Variants in HSD17B12 observed in about 807,000 individuals in gnomAD.
HSD17B12 encodes very-long-chain 3-oxoacyl-CoA reductase.
Under a neutral mutation model 39.3 loss-of-function variants are expected in HSD17B12, and 32 were observed. The observed-to-expected ratio is 0.81, with a 90% confidence interval of 0.61 to 1.09. The LOEUF (loss-of-function observed/expected upper bound fraction) is 1.09. Among genes scored for constraint, HSD17B12 ranks in the 50% least tolerant of loss-of-function variants. The pLI is 0.00. For missense variants in HSD17B12, 342 were observed against 382.9 expected (o/e 0.89, Z 0.89); for synonymous variants, 150 against 146.7 (o/e 1.02, Z -0.16).
the HSD17B12 span, among the ~76,000 whole-genome samples, chr11:43,605,072 G>A: frequency 6.6e-6 from 1 of 152,154 alleles, no homozygotes; most frequent in Non-Finnish European, 1.5e-5. Context: ...GCTTTCTGTG[G>A]TCAGAATGGG....
chr11:43,799,147 G>C (rs1950942320), intron 4 of HSD17B12, among the ~76,000 whole-genome samples: 1 of 151,834 alleles, frequency 6.6e-6, no homozygotes, highest in Non-Finnish European at 1.5e-5. Context: ...AGACTTTAGA[G>C]ATTTTTCCTA....
rs566631822 is a variant in HSD17B12 at position 43,737,816 on chromosome 11, G to A, written c.161-13095G>A. On this transcript the variant is annotated intron_variant, in intron 1 of 10. Coordinates refer to ENST00000278353, the MANE Select transcript of HSD17B12 (RefSeq NM_016142.3). ...CGGCCAGGCGCAGTGGCTCACGCCTGTAATCCCAGCACTTTGGGAGGCCGA... is the reference window on the plus strand; with the variant it reads ...CGGCCAGGCGCAGTGGCTCACGCCTATAATCCCAGCACTTTGGGAGGCCGA... Among the ~76,000 whole-genome samples, 278 of 152,334 alleles carry A rather than the reference G, an allele frequency of 1.8e-3. 2 individuals carry two copies. Among genetic ancestry groups the A allele is most frequent in the African/African-American group, 6.4e-3 (265 of 41,570 alleles).
intron 9 of HSD17B12, 115 bp downstream of exon 9, chr11:43,840,179 T>G: frequency 1.4e-6 from 1 of 734,972 alleles, no homozygotes. Context: ...GAATGTGACA[T>G]TAGCACACCA....
At chr11:43,752,895 A>C (rs1950478198) in intron 2 of HSD17B12, among the ~76,000 whole-genome samples, 1 of 152,142 alleles carries the variant, frequency 6.6e-6, no homozygotes, top group Admixed American at 6.6e-5. Context: ...AATCATCACC[A>C]ACCTTTTTAT....
the HSD17B12 span, among the ~76,000 whole-genome samples, chr11:43,658,587 C>A: frequency 1.3e-5 from 2 of 152,132 alleles, no homozygotes; most frequent in East Asian, 3.9e-4. Flanking sequence ...GATGTCCTTT[C>A]TGTTTGTTAG....
the HSD17B12 span, among the ~76,000 whole-genome samples, chr11:43,663,399 C>T: frequency 0.17 from 26,178 of 151,786 alleles, 2,674 homozygotes; most frequent in Middle Eastern, 0.27. Context: ...CATGCCTGGC[C>T]TATTTTTTAT....
At chr11:43,600,217 A>C in the HSD17B12 span, among the ~76,000 whole-genome samples, 15 of 152,096 alleles carry the variant, frequency 9.9e-5, no homozygotes, top group Admixed American at 9.8e-4. Context: ...GCTATTGTCT[A>C]GCATTCATTC....
At chr11:43,849,375 T>A (rs1951509960) in intron 9 of HSD17B12, among the ~76,000 whole-genome samples, 1 of 152,192 alleles carries the variant, frequency 6.6e-6, no homozygotes, top group Non-Finnish European at 1.5e-5. Context: ...TGGCTTCTCA[T>A]CTCTTTCACA....
upstream of HSD17B12, chr11:43,680,410 G>T (rs866228679): frequency 1.2e-4 from 25 of 204,522 alleles, no homozygotes; most frequent in Admixed American, 5.4e-4. Context: ...ATTCACTAGC[G>T]GCTTCTCTGA....
chr11:43,655,826 T>C, the HSD17B12 span, among the ~76,000 whole-genome samples: 4 of 152,198 alleles, frequency 2.6e-5, no homozygotes, highest in African/African-American at 9.6e-5. Context: ...ATTGAGGATT[T>C]TTGCATCAAT....
chr11:43,579,106 G>C, the HSD17B12 span: 7 of 147,310 alleles, frequency 4.8e-5, no homozygotes, highest in Admixed American at 4.7e-4. Context: ...AGTGGGGACG[G>C]GGGTGGGGGG....
At chr11:43,842,990 G>C (rs1951441435) in intron 9 of HSD17B12, among the ~76,000 whole-genome samples, 1 of 152,144 alleles carries the variant, frequency 6.6e-6, no homozygotes, top group Non-Finnish European at 1.5e-5. Flanking sequence ...GGTGTGACTA[G>C]AAGCTACTGT....
In HSD17B12 at chr11:43,749,627, A is replaced by G. The variant is rs1046189010; in HGVS notation, c.161-1284A>G. Among the ~76,000 whole-genome samples, 5 of 151,312 alleles carry G rather than the reference A, an allele frequency of 3.3e-5. No individual in the cohort carries two copies. In the East Asian group the frequency reaches 9.7e-4, roughly 29 times the overall value. The stretch of plus-strand genomic sequence containing the variant: ...GTTATACTGTTCTCTGGATATTTCA[A>G]CTTTTTTTTTCTTTTTTTTTTTTAA... On this transcript the variant is annotated intron_variant, in intron 1 of 10. Coordinates refer to ENST00000278353, the MANE Select transcript of HSD17B12 (RefSeq NM_016142.3).
chr11:43,772,038 C>A (rs542095880), intron 3 of HSD17B12, among the ~76,000 whole-genome samples: 11 of 151,860 alleles, frequency 7.2e-5, no homozygotes, highest in African/African-American at 1.7e-4. Context: ...ATATATATAT[C>A]TCTGTCTCTC....
At chr11:43,813,820 G>C (rs976855524) in intron 4 of HSD17B12, among the ~76,000 whole-genome samples, 2 of 152,138 alleles carry the variant, frequency 1.3e-5, no homozygotes, top group Admixed American at 6.5e-5. Flanking sequence ...AGATGAGTAT[G>C]AATCCTAATT....
At chr11:43,613,420 C>A in the HSD17B12 span, among the ~76,000 whole-genome samples, 10 of 149,112 alleles carry the variant, frequency 6.7e-5, no homozygotes, top group East Asian at 7.9e-4. Flanking sequence ...ACAACAACAA[C>A]AAAAAAAAAC....
the HSD17B12 span, among the ~76,000 whole-genome samples, chr11:43,658,419 G>A: frequency 1.3e-5 from 2 of 152,122 alleles, no homozygotes; most frequent in African/African-American, 2.4e-5. Context: ...ATCCATCTTT[G>A]TTCCGTTTGC....
chr11:43,647,816 A>G, the HSD17B12 span, among the ~76,000 whole-genome samples: 2 of 152,152 alleles, frequency 1.3e-5, no homozygotes, highest in Non-Finnish European at 2.9e-5. Flanking sequence ...AAGGTTTCTG[A>G]GAGAAAGAGG....
chr11:43,593,604 A>G, the HSD17B12 span, among the ~76,000 whole-genome samples: 74 of 152,336 alleles, frequency 4.9e-4, no homozygotes, highest in African/African-American at 1.8e-3. Flanking sequence ...GTGAAAAGAG[A>G]AAGAACTGAC....
Sources: allele counts gnomAD v4.1 joint callset (sites outside exome capture counted in the v4.1 genomes callset), GRCh38; gene constraint gnomAD v4.1.1; transcripts MANE v1.5; gene names NCBI Gene and HGNC (gene_info 2026-07-23, HGNC 2026-07-21).